Variants in RNF216 observed in about 807,000 individuals in gnomAD.
The protein encoded by RNF216 is E3 ubiquitin-protein ligase RNF216.
A neutral mutation model predicts 110.8 loss-of-function variants in RNF216; 72 were observed. The observed-to-expected ratio is 0.65, with a 90% CI of 0.54 to 0.79. The LOEUF (loss-of-function observed/expected upper bound fraction) is 0.79, where lower values mean the gene tolerates loss of function less well. Among genes scored for constraint, RNF216 ranks in the 30% least tolerant of loss-of-function variants. RNF216 has a pLI of 0.00. For missense variants in RNF216, 1,342 were observed against 1,141.2 expected, an observed-to-expected ratio of 1.18 and a Z score of -2.54; for synonymous variants, 495 against 407.5, an observed-to-expected ratio of 1.21 and a Z score of -2.59.
intron 9 of RNF216, among the ~76,000 whole-genome samples, chr7:5,718,743 T>C (rs192175240): frequency 7.7e-4 from 117 of 152,228 alleles, no homozygotes; most frequent in Non-Finnish European, 1.4e-3. Context: ...GACAGAGTTT[T>C]GCCATGTTGG....
At chr7:5,776,799 G>A (rs1361964516) in intron 1 of RNF216, among the ~76,000 whole-genome samples, 1 of 150,398 alleles carries the variant, frequency 6.6e-6, no homozygotes, top group African/African-American at 2.4e-5. Context: ...TACTCTGGAG[G>A]CTGAGGCACA....
chr7:5,667,238 T>C (rs531606756), intron 13 of RNF216, among the ~76,000 whole-genome samples: 71 of 152,374 alleles, frequency 4.7e-4, no homozygotes, highest in African/African-American at 1.5e-3. Flanking sequence ...ATTTGTTTTA[T>C]AAAACTGTTT....
intron 13 of RNF216, among the ~76,000 whole-genome samples, chr7:5,709,057 G>T (rs1355675081): frequency 6.6e-6 from 1 of 152,114 alleles, no homozygotes; most frequent in African/African-American, 2.4e-5. Flanking sequence ...GTCTTGGGCA[G>T]ACTCCAGAAA....
chr7:5,623,236 T>C (rs1006058373), intron 16 of RNF216, 57 bp from the exon 17 acceptor site: 3 of 1,488,874 alleles, frequency 2.0e-6, no homozygotes, highest in Non-Finnish European at 2.7e-6. Context: ...CAATGGAATC[T>C]AGCCTGGGAC....
At chr7:5,684,096 T>TTTTC in intron 13 of RNF216, among the ~76,000 whole-genome samples, 1 of 39,742 alleles carries the variant, frequency 2.5e-5, no homozygotes, top group African/African-American at 2.0e-4. Context: ...TGGGCCTTCT[T>TTTTC]TTTTTTTTTT....
chr7:5,706,155 G>A (rs980833874), intron 13 of RNF216, among the ~76,000 whole-genome samples: 1 of 150,868 alleles, frequency 6.6e-6, no homozygotes, highest in African/African-American at 2.5e-5. Context: ...GGAAGGTGGA[G>A]GTTGCAGTGA....
intron 2 of RNF216, among the ~76,000 whole-genome samples, chr7:5,759,852 C>T (rs1239136187): frequency 6.6e-6 from 1 of 151,882 alleles, no homozygotes; most frequent in Admixed American, 6.6e-5. Context: ...AGGCTGGTCT[C>T]GAACTCCTGA....
At chr7:5,716,817 A>C (rs2128633018) in intron 9 of RNF216, 51 bp from the exon 10 acceptor site, 1 of 1,377,118 alleles carries the variant, frequency 7.3e-7, no homozygotes, top group Non-Finnish European at 1.0e-6. Context: ...TAAAAATGAC[A>C]CTAACCATTT....
intron 15 of RNF216, among the ~76,000 whole-genome samples, chr7:5,629,631 G>C (rs939095490): frequency 6.6e-6 from 1 of 151,914 alleles, no homozygotes; most frequent in African/African-American, 2.4e-5. Context: ...GTTTGAGACA[G>C]GCCTGGCCAA....
chr7:5,654,876 G>A (rs904795176), intron 13 of RNF216, among the ~76,000 whole-genome samples: 6 of 151,670 alleles, frequency 4.0e-5, no homozygotes, highest in South Asian at 2.1e-4. Flanking sequence ...ATTACCCACC[G>A]AAACATACAG....
chr7:5,685,138 C>T (rs574144582), intron 13 of RNF216, among the ~76,000 whole-genome samples: 1 of 152,310 alleles, frequency 6.6e-6, no homozygotes, highest in East Asian at 1.9e-4. Context: ...CTCTCTACCT[C>T]ACTGGAGGCT....
chr7:5,664,541 G>A (rs1219014690), intron 13 of RNF216, among the ~76,000 whole-genome samples: 17 of 152,168 alleles, frequency 1.1e-4, no homozygotes, highest in Admixed American at 1.1e-3. Context: ...AGGATAAAAG[G>A]AGCTCACAAA....
intron 15 of RNF216, among the ~76,000 whole-genome samples, chr7:5,639,753 C>T (rs1263237179): frequency 6.6e-6 from 1 of 151,646 alleles, no homozygotes; most frequent in African/African-American, 2.4e-5. Context: ...TGACACCGTG[C>T]CTAGCCTTAA....
chr7:5,694,620 C>T (rs1562399217), intron 13 of RNF216, among the ~76,000 whole-genome samples: 1 of 152,208 alleles, frequency 6.6e-6, no homozygotes, highest in African/African-American at 2.4e-5. Flanking sequence ...TCAAGGGCTC[C>T]AAGCCAAAGG....
At chr7:5,645,809 T>G (rs923442511) in intron 14 of RNF216, among the ~76,000 whole-genome samples, 1 of 152,090 alleles carries the variant, frequency 6.6e-6, no homozygotes. Flanking sequence ...AGGCTGGTCT[T>G]GAACTCCTGA....
At chr7:5,638,402 C>T (rs1323382441) in intron 15 of RNF216, among the ~76,000 whole-genome samples, 1 of 152,148 alleles carries the variant, frequency 6.6e-6, no homozygotes, top group African/African-American at 2.4e-5. Flanking sequence ...CAACTGTCTC[C>T]TGCGGATAAC....
chr7:5,691,144 G>A (rs1292528344), intron 13 of RNF216, among the ~76,000 whole-genome samples: 1 of 152,224 alleles, frequency 6.6e-6, no homozygotes, highest in African/African-American at 2.4e-5. Flanking sequence ...CGTGTGTGTA[G>A]ACGGTGAGCC....
At chr7:5,688,034 T>C (rs1341556654) in intron 13 of RNF216, among the ~76,000 whole-genome samples, 1 of 152,174 alleles carries the variant, frequency 6.6e-6, no homozygotes, top group Non-Finnish European at 1.5e-5. Flanking sequence ...CTTTGCTTGA[T>C]GGAAGGAACT....
At chr7:5,687,414 AG>A (rs368556994) in intron 13 of RNF216, among the ~76,000 whole-genome samples, 1 of 149,150 alleles carries the variant, frequency 6.7e-6, no homozygotes, top group African/African-American at 2.5e-5. Context: ...AAAAAAAAAA[AG>A]AAAAAGAAAA....
Sources: gnomAD v4.1 joint callset for allele counts (sites outside exome capture counted in the v4.1 genomes callset) on GRCh38, gnomAD v4.1.1 for gene constraint, MANE v1.5 for transcripts, NCBI Gene and HGNC (gene_info 2026-07-23, HGNC 2026-07-21) for gene names.